Variants in WDPCP observed in about 807,000 individuals in gnomAD.
WDPCP encodes WD repeat-containing and planar cell polarity effector protein fritz homolog.
In WDPCP, 71 loss-of-function variants were observed where a neutral mutation model predicts 93.1. The ratio of observed to expected loss-of-function variants is 0.76; its 90% CI spans 0.63 to 0.93. WDPCP has a LOEUF of 0.93. WDPCP is among the 40% of genes least tolerant of loss of function. The pLI is 0.00. For synonymous variants in WDPCP, 315 were observed against 315.0 expected (o/e 1.00, Z 0.00); for missense variants, 844 against 887.4 (o/e 0.95, Z 0.62).
intron 1 of WDPCP, among the ~76,000 whole-genome samples, chr2:63,540,489 G>A (rs1409178116): frequency 6.6e-6 from 1 of 152,128 alleles, no homozygotes; most frequent in South Asian, 2.1e-4. Flanking sequence ...CCTTATGGTT[G>A]TCTAAGGAAT....
In WDPCP at chr2:63,293,061, G is replaced by C. The variant is rs1684565588; in HGVS notation, c.1812+20187C>G. ...TTGATTGCAGAGGTGCAGACAGGGA[G>C]GCAGGGCACCTGACCCCTCATTGCA... On this transcript the variant is annotated intron_variant, in intron 13 of 17. Coordinates refer to ENST00000272321, the MANE Select transcript of WDPCP (RefSeq NM_015910.7). Among the ~76,000 whole-genome samples, 5 of 152,104 alleles carry C rather than the reference G, an allele frequency of 3.3e-5. No individual in the cohort carries two copies. The South Asian group carries it at 1.0e-3, about 32-fold the overall frequency.
chr2:63,655,162 C>G (rs1335579935), intron 2 of WDPCP, among the ~76,000 whole-genome samples: 1 of 152,150 alleles, frequency 6.6e-6, no homozygotes, highest in African/African-American at 2.4e-5. Flanking sequence ...TGTTAAAAAG[C>G]AAATGGGAGA....
chr2:63,575,489 A>G (rs13423052), intron 1 of WDPCP, among the ~76,000 whole-genome samples: 2 of 17,286 alleles, frequency 1.2e-4, no homozygotes, highest in Admixed American at 7.1e-4. Flanking sequence ...GTGTATATAT[A>G]GTATATACAG....
intron 2 of WDPCP, chr2:63,751,985 C>G: frequency 1.6e-6 from 1 of 630,756 alleles, no homozygotes; most frequent in South Asian, 1.4e-5. Flanking sequence ...CCTCCACAAT[C>G]AAAGTTGTCA....
intron 14 of WDPCP, among the ~76,000 whole-genome samples, chr2:63,223,977 A>G (rs1421066523): frequency 1.3e-5 from 2 of 152,080 alleles, no homozygotes; most frequent in Non-Finnish European, 2.9e-5. Context: ...TAAGTCTTCC[A>G]GCTTTGTTGT....
chr2:63,752,778 C>T (rs1480789649), intron 2 of WDPCP: 8 of 171,596 alleles, frequency 4.7e-5, no homozygotes, highest in East Asian at 1.6e-4. Context: ...CTGCAACCTC[C>T]GCTTCCCAGG....
chr2:63,170,256 T>G (rs970842918), intron 15 of WDPCP, among the ~76,000 whole-genome samples: 2 of 151,448 alleles, frequency 1.3e-5, no homozygotes, highest in Non-Finnish European at 1.5e-5. Flanking sequence ...TATTTTCCAT[T>G]TTTTTCTTTT....
chr2:63,686,306 T>A (rs1348732489), intron 2 of WDPCP, among the ~76,000 whole-genome samples: 6 of 151,920 alleles, frequency 3.9e-5, no homozygotes, highest in Admixed American at 2.6e-4. Context: ...CAATAGCAAA[T>A]AATCTGAAAA....
chr2:63,832,905 G>A, the WDPCP span, among the ~76,000 whole-genome samples: 1 of 152,190 alleles, frequency 6.6e-6, no homozygotes. Context: ...TGGCAATACA[G>A]GGAATAATCA....
chr2:63,665,036 G>T (rs887258376), intron 2 of WDPCP, among the ~76,000 whole-genome samples: 2 of 152,210 alleles, frequency 1.3e-5, no homozygotes, highest in African/African-American at 4.8e-5. Flanking sequence ...GGACTGAGAA[G>T]AAATAAATGA....
intron 2 of WDPCP, among the ~76,000 whole-genome samples, chr2:63,722,418 G>A (rs1173358061): frequency 1.8e-4 from 26 of 142,352 alleles, no homozygotes; most frequent in South Asian, 6.8e-4. Flanking sequence ...CTGCCCGGCC[G>A]CGACCCCATC....
chr2:63,494,336 A>G (rs1701088814), intron 1 of WDPCP, among the ~76,000 whole-genome samples: 1 of 152,080 alleles, frequency 6.6e-6, no homozygotes, highest in Non-Finnish European at 1.5e-5. Flanking sequence ...TGATGGAGAA[A>G]AAGATGAGGA....
At chr2:63,355,474 C>T (rs1237740881) in intron 12 of WDPCP, among the ~76,000 whole-genome samples, 1 of 152,128 alleles carries the variant, frequency 6.6e-6, no homozygotes, top group African/African-American at 2.4e-5. Context: ...AAAGAAAAGG[C>T]TGCTACCAGC....
upstream of WDPCP, among the ~76,000 whole-genome samples, chr2:63,828,844 C>T (rs1405703204): frequency 6.6e-6 from 1 of 152,080 alleles, no homozygotes; most frequent in Non-Finnish European, 1.5e-5. Flanking sequence ...CTTAAATAAT[C>T]TTTAAAAATT....
At chr2:63,787,488 C>G (rs1184509812) in intron 2 of WDPCP, among the ~76,000 whole-genome samples, 14 of 152,010 alleles carry the variant, frequency 9.2e-5, no homozygotes, top group Admixed American at 9.2e-4. Flanking sequence ...GTAATTTTGA[C>G]TTAAAAAAAT....
chr2:63,430,021 A>ACACACACC (rs1696619743), intron 9 of WDPCP, among the ~76,000 whole-genome samples: 1 of 139,744 alleles, frequency 7.2e-6, no homozygotes, highest in Non-Finnish European at 1.6e-5. Flanking sequence ...ACACACACAC[A>ACACACACC]CACCATGAAA....
chr2:63,818,941 C>T (rs1268605238), intron 1 of WDPCP, among the ~76,000 whole-genome samples: 2 of 152,048 alleles, frequency 1.3e-5, no homozygotes, highest in African/African-American at 4.8e-5. Context: ...GTAACAATAA[C>T]ACATATAAAT....
chr2:63,757,783 CAT>C (rs1237957663), intron 2 of WDPCP, among the ~76,000 whole-genome samples: 4 of 152,304 alleles, frequency 2.6e-5, no homozygotes, highest in East Asian at 1.9e-4. Flanking sequence ...CATTTATTCA[CAT>C]GTTTCTCTTC....
rs866579589 is a variant in WDPCP, at chr2:63,707,420, G to A, written n.309-56582C>T. Among the ~76,000 whole-genome samples the A allele has an allele frequency of 3.9e-4, 59 of 152,078 alleles. 1 individual carries two copies. Among genetic ancestry groups the A allele is most frequent in the African/African-American group, 1.3e-3 (55 of 41,464 alleles). On this transcript the variant is annotated intron_variant and non_coding_transcript_variant, in intron 2 of 4. Coordinates refer to the WDPCP transcript ENST00000467687. ...ACCCTTTCTTCCAGTTGATCGCATC[G>A]GTTACTGAGGCTTGTGCATTCGTCA...
Sources: gnomAD v4.1 joint callset for allele counts (sites outside exome capture counted in the v4.1 genomes callset) on GRCh38, gnomAD v4.1.1 for gene constraint, MANE v1.5 for transcripts, NCBI Gene and HGNC (gene_info 2026-07-23, HGNC 2026-07-21) for gene names.